The following GNAI1 variants were observed in gnomAD, a reference collection of about 807,000 sequenced individuals.
GNAI1 encodes G protein subunit alpha i1.
GNAI1 carries 11 observed loss-of-function variants against 38.9 expected under a neutral mutation model. The ratio of observed to expected loss-of-function variants is 0.28; its 90% CI spans 0.18 to 0.47. GNAI1 has a LOEUF of 0.47. GNAI1 is among the 20% of genes least tolerant of loss of function. GNAI1 has a pLI of 0.99. For missense variants in GNAI1, 317 were observed against 436.9 expected (o/e 0.73, Z 2.45); for synonymous variants, 166 against 145.1 (o/e 1.14, Z -1.04).
Position 80,222,540 on chromosome 7 carries a change from A to G in GNAI1, c.*5047A>G, listed in dbSNP as rs530016444. On this transcript the variant is annotated 3_prime_UTR_variant, in exon 8 of 8. Transcript: ENST00000649796. ...GTAGCTGGGATTACAGGCATGCGAC[A>G]CTACACCCAACTAATCTTGTATTTT... Among the ~76,000 whole-genome samples, 5 of 151,904 alleles carry G rather than the reference A, an allele frequency of 3.3e-5. No homozygotes were observed. The East Asian group carries it at 9.7e-4, about 29-fold the overall frequency.
At chr7:80,194,102 C>T (rs982113968) in intron 3 of GNAI1, among the ~76,000 whole-genome samples, 4 of 152,178 alleles carry the variant, frequency 2.6e-5, no homozygotes, top group Non-Finnish European at 5.9e-5. Context: ...AGTTTACCTT[C>T]CTTGCAGCAG....
chr7:80,224,887 T>C lies in GNAI1; in HGVS notation c.*7394T>C, dbSNP rs1789133680. ...TTTTAAAATTCTACTTTTTTTTACA[T>C]TTTTAATGTGGTTTTGGAAAATAGG... is the stretch of plus-strand genomic sequence containing the variant. On this transcript the variant is annotated 3_prime_UTR_variant, in exon 8 of 8. Transcript: ENST00000649796. Among the ~76,000 whole-genome samples the C allele has an allele frequency of 6.6e-6, 1 of 152,244 alleles. No homozygotes were observed. The highest frequency in any genetic ancestry group is 2.4e-5 in the African/African-American group (1 of 41,468).
At position 80,212,799 on chromosome 7, in the gene GNAI1, A is replaced by G. The variant is rs1788896535; in HGVS notation, c.804A>G (p.Leu268=). 2 of 1,579,062 alleles carry G rather than the reference A, an allele frequency of 1.3e-6. No individual in the cohort carries two copies. The highest frequency in any genetic ancestry group is 2.3e-5 in the East Asian group (1 of 43,594). The part of the protein sequence containing the change: ...WFTDTSIILF[L]NKKDLFEEKI... ...CAGATACATCCATTATACTTTTTCT[A>G]AACAAGAAGGATCTCTTTGAAGAAA... is the stretch of plus-strand genomic sequence containing the variant. The change falls in exon 7 of 8, where the codon CTA becomes CTG. Residue 268 remains leucine, a synonymous_variant. Transcript: ENST00000649796.
intron 7 of GNAI1, among the ~76,000 whole-genome samples, chr7:80,213,514 T>C (rs764896669): frequency 1.3e-5 from 2 of 152,172 alleles, no homozygotes; most frequent in Non-Finnish European, 2.9e-5. Context: ...GTCTCAGTAT[T>C]CCATCTGTGA....
chr7:80,211,347 C>T (rs931050812), intron 6 of GNAI1, among the ~76,000 whole-genome samples: 3 of 151,978 alleles, frequency 2.0e-5, no homozygotes, highest in African/African-American at 4.8e-5. Context: ...CAACATAGCA[C>T]ATGGAAATAT....
chr7:80,155,006 A>G (rs910755772), intron 1 of GNAI1, among the ~76,000 whole-genome samples: 1 of 152,208 alleles, frequency 6.6e-6, no homozygotes, highest in African/African-American at 2.4e-5. Flanking sequence ...TTACCTATTC[A>G]GAAAAAAATA....
chr7:80,157,894 A>G (rs1419656589), intron 1 of GNAI1, among the ~76,000 whole-genome samples: 1 of 152,048 alleles, frequency 6.6e-6, no homozygotes, highest in Non-Finnish European at 1.5e-5. Context: ...TTTTTAGTAG[A>G]GATGGGGTTT....
Position 80,221,639 on chromosome 7 carries a change from T to TTTA in GNAI1, c.*4148_*4149insATT. Among the ~76,000 whole-genome samples the TTTA allele has an allele frequency of 4.0e-5, 2 of 50,120 alleles. No individual in the cohort carries two copies. Among genetic ancestry groups the TTTA allele is most frequent in the Non-Finnish European group, 3.7e-5 (1 of 26,922 alleles). The allele number at this position is 50,120 out of a possible 152,430, so 32.9% of individuals were successfully genotyped here. A position where few individuals can be genotyped will look rare whatever the true frequency, so the allele number is the denominator to read the frequency against. On this transcript the variant is annotated 3_prime_UTR_variant, in exon 8 of 8. Coordinates refer to ENST00000649796, the MANE Select transcript of GNAI1 (RefSeq NM_002069.6). ...TTAATGTTAGGTTGGAAATTTTCTT[T>TTTA]TTTTTTTTTTTTTTTTTTTTTTGGT...
intron 1 of GNAI1, among the ~76,000 whole-genome samples, chr7:80,139,708 C>CA (rs1197163322): frequency 2.6e-5 from 4 of 151,782 alleles, no homozygotes; most frequent in African/African-American, 9.7e-5. Flanking sequence ...ATTATGTAAA[C>CA]AAAAAAGGAA....
At chr7:80,212,353 T>C (rs1788889543) in intron 6 of GNAI1, among the ~76,000 whole-genome samples, 1 of 152,218 alleles carries the variant, frequency 6.6e-6, no homozygotes, top group Non-Finnish European at 1.5e-5. Context: ...TTTAAAAACC[T>C]CTATTTATCT....
At chr7:80,201,194 A>G (rs1440768073) in intron 4 of GNAI1, among the ~76,000 whole-genome samples, 2 of 152,220 alleles carry the variant, frequency 1.3e-5, no homozygotes, top group Non-Finnish European at 2.9e-5. Flanking sequence ...CTCATAAACC[A>G]TATTTGCTTT....
At chr7:80,151,708 A>C (rs1309322242) in intron 1 of GNAI1, among the ~76,000 whole-genome samples, 1 of 152,230 alleles carries the variant, frequency 6.6e-6, no homozygotes, top group Non-Finnish European at 1.5e-5. Flanking sequence ...TCTGCCTCTA[A>C]CTTTCAAACT....
At chr7:80,147,194 C>T (rs2116088663) in intron 1 of GNAI1, among the ~76,000 whole-genome samples, 1 of 152,086 alleles carries the variant, frequency 6.6e-6, no homozygotes, top group Non-Finnish European at 1.5e-5. Context: ...TGATAAAATT[C>T]CTTTGTCATA....
At chr7:80,161,374 C>T (rs914315428) in intron 1 of GNAI1, among the ~76,000 whole-genome samples, 1 of 152,084 alleles carries the variant, frequency 6.6e-6, no homozygotes, top group Non-Finnish European at 1.5e-5. Context: ...CTTATATCAG[C>T]AACAGTATTT....
chr7:80,154,628 G>T (rs1787788225), intron 1 of GNAI1, among the ~76,000 whole-genome samples: 1 of 152,016 alleles, frequency 6.6e-6, no homozygotes, highest in South Asian at 2.1e-4. Context: ...ATAACTTTAG[G>T]TTCATTGTTG....
At chr7:80,150,316 A>C (rs1367357446) in intron 1 of GNAI1, among the ~76,000 whole-genome samples, 2 of 152,188 alleles carry the variant, frequency 1.3e-5, no homozygotes, top group African/African-American at 4.8e-5. Context: ...GGAATGAATA[A>C]ATAAATGAGG....
intron 5 of GNAI1, among the ~76,000 whole-genome samples, chr7:80,210,229 G>T (rs2115703811): frequency 6.6e-6 from 1 of 152,228 alleles, no homozygotes; most frequent in Non-Finnish European, 1.5e-5. Context: ...ATAGACTATT[G>T]TCTTTATATT....
intron 1 of GNAI1, among the ~76,000 whole-genome samples, chr7:80,179,916 T>G (rs1377830436): frequency 6.6e-6 from 1 of 152,140 alleles, no homozygotes; most frequent in African/African-American, 2.4e-5. Context: ...ATTACCTTTA[T>G]TATACTGGAC....
intron 5 of GNAI1, among the ~76,000 whole-genome samples, chr7:80,210,390 T>G (rs1788852439): frequency 6.6e-6 from 1 of 152,166 alleles, no homozygotes; most frequent in Non-Finnish European, 1.5e-5. Context: ...TGTATCATGA[T>G]TTTACTTTTT....
Sources: gnomAD v4.1 joint callset for allele counts (sites outside exome capture counted in the v4.1 genomes callset) on GRCh38, gnomAD v4.1.1 for gene constraint, MANE v1.5 for transcripts, NCBI Gene and HGNC (gene_info 2026-07-23, HGNC 2026-07-21) for gene names.